RASGRF2: variants seen among roughly 807,000 people sequenced by gnomAD.
RASGRF2 encodes the protein Ras protein specific guanine nucleotide releasing factor 2.
RASGRF2 carries 76 observed loss-of-function variants against 151.0 expected under a neutral mutation model. That is an observed-to-expected ratio of 0.50 (90% CI 0.42 to 0.61). RASGRF2 has a LOEUF of 0.61. Ranked by LOEUF, RASGRF2 falls within the 20% of genes least tolerant of loss-of-function variation. RASGRF2 has a pLI of 0.00. For missense variants in RASGRF2, 1,148 were observed against 1,564.6 expected, an observed-to-expected ratio of 0.73 and a Z score of 4.49; for synonymous variants, 504 against 566.5, an observed-to-expected ratio of 0.89 and a Z score of 1.57.
At chr5:81,169,821 C>T (rs912733705) in intron 17 of RASGRF2, among the ~76,000 whole-genome samples, 69 of 151,538 alleles carry the variant, frequency 4.6e-4, no homozygotes, top group Middle Eastern at 3.4e-3. Flanking sequence ...CCTGCACCAC[C>T]TGCATCACCT....
chr5:81,032,377 C>T (rs186512519), intron 1 of RASGRF2, among the ~76,000 whole-genome samples: 1 of 152,306 alleles, frequency 6.6e-6, no homozygotes, highest in African/African-American at 2.4e-5. Context: ...CCCTGATGAA[C>T]ATCGATGTAA....
intron 18 of RASGRF2, among the ~76,000 whole-genome samples, chr5:81,195,753 G>C (rs142434239): frequency 1.3e-5 from 2 of 152,122 alleles, no homozygotes; most frequent in African/African-American, 4.8e-5. Flanking sequence ...AGTGAGCCCT[G>C]TGCACATGAC....
At chr5:81,133,338 G>A (rs964143525) in intron 17 of RASGRF2, among the ~76,000 whole-genome samples, 2 of 152,166 alleles carry the variant, frequency 1.3e-5, no homozygotes, top group East Asian at 1.9e-4. Flanking sequence ...GATGGTTGAT[G>A]GTGTTCTTGT....
intron 1 of RASGRF2, among the ~76,000 whole-genome samples, chr5:80,977,439 G>A (rs992054867): frequency 7.7e-6 from 1 of 130,634 alleles, no homozygotes; most frequent in Non-Finnish European, 1.7e-5. Flanking sequence ...ACTATAAAAT[G>A]CTACCAAAAT....
chr5:80,995,687 C>CCCCCT lies in RASGRF2; in HGVS notation c.288+34665_288+34666insTCCCC, dbSNP rs1424845862. 5.7e-5 allele frequency among the ~76,000 whole-genome samples: 7 copies of CCCCCT among 123,786 alleles called. No homozygotes were observed. The East Asian group carries it at 1.8e-3, about 32-fold the overall frequency. The allele number at this position is 123,786 out of a possible 152,430, so 81.2% of individuals were successfully genotyped here. A position where few individuals can be genotyped will look rare whatever the true frequency, so the allele number is the denominator to read the frequency against. On this transcript the variant is annotated intron_variant, in intron 1 of 26. Transcript: ENST00000265080. ...ATCATTGTTTCTTTCCTTTCCTTCC[C>CCCCCT]CCCCCCTTTTTTTTTTTTTTTTTGA...
intron 17 of RASGRF2, among the ~76,000 whole-genome samples, chr5:81,152,636 G>A (rs920106511): frequency 2.0e-5 from 3 of 152,114 alleles, no homozygotes; most frequent in African/African-American, 7.2e-5. Flanking sequence ...GTAGAGTGAG[G>A]AGCTCAGCAA....
At chr5:81,023,573 T>G (rs574526) in intron 1 of RASGRF2, among the ~76,000 whole-genome samples, 38,814 of 152,142 alleles carry the variant, frequency 0.26, 5,992 homozygotes, top group Middle Eastern at 0.53. Flanking sequence ...TTTGATTTTT[T>G]TGTGATTTAG....
chr5:81,164,602 C>A (rs569082761), intron 17 of RASGRF2, among the ~76,000 whole-genome samples: 37 of 152,242 alleles, frequency 2.4e-4, no homozygotes, highest in Middle Eastern at 3.4e-3. Context: ...ACTGTTAAAT[C>A]ATTTCTTGGG....
chr5:80,996,398 C>G (rs753402614), intron 1 of RASGRF2, among the ~76,000 whole-genome samples: 1 of 151,744 alleles, frequency 6.6e-6, no homozygotes, highest in African/African-American at 2.4e-5. Context: ...AAATAGACCT[C>G]TGATATTAAT....
At chr5:81,037,957 T>G (rs1290451206) in intron 1 of RASGRF2, among the ~76,000 whole-genome samples, 1 of 152,224 alleles carries the variant, frequency 6.6e-6, no homozygotes, top group Admixed American at 6.5e-5. Context: ...ATGCATAGTT[T>G]TAAGCCTTAT....
At chr5:81,174,206 T>G (rs1350648232) in intron 17 of RASGRF2, among the ~76,000 whole-genome samples, 1 of 152,156 alleles carries the variant, frequency 6.6e-6, no homozygotes, top group African/African-American at 2.4e-5. Flanking sequence ...TCCCATGAAG[T>G]CAATGGGAAA....
intron 1 of RASGRF2, among the ~76,000 whole-genome samples, chr5:80,979,997 C>T (rs1477508391): frequency 2.6e-5 from 4 of 152,182 alleles, no homozygotes; most frequent in Non-Finnish European, 5.9e-5. Flanking sequence ...TATACAGCTA[C>T]AGCATTACCT....
At chr5:81,032,815 A>G (rs1202644376) in intron 1 of RASGRF2, among the ~76,000 whole-genome samples, 6 of 151,988 alleles carry the variant, frequency 3.9e-5, no homozygotes, top group African/African-American at 9.7e-5. Context: ...GGCAGGAGAA[A>G]GAAATAAAGG....
chr5:81,025,874 G>A (rs1466198507), intron 1 of RASGRF2, among the ~76,000 whole-genome samples: 1 of 151,928 alleles, frequency 6.6e-6, no homozygotes, highest in Non-Finnish European at 1.5e-5. Flanking sequence ...CCCCCACCAA[G>A]CTAGTTTACC....
chr5:81,149,500 G>C (rs1304267396), intron 17 of RASGRF2, among the ~76,000 whole-genome samples: 2 of 151,970 alleles, frequency 1.3e-5, no homozygotes, highest in Non-Finnish European at 2.9e-5. Flanking sequence ...GGGAGGAGGG[G>C]TAAAAGGCTA....
chr5:81,068,400 T>C (rs1486651519), intron 3 of RASGRF2, among the ~76,000 whole-genome samples: 3 of 152,192 alleles, frequency 2.0e-5, no homozygotes, highest in Non-Finnish European at 2.9e-5. Context: ...CTTTTTTTTT[T>C]TTTTTTGGTG....
At chr5:81,148,819 TATA>T (rs944684575) in intron 17 of RASGRF2, among the ~76,000 whole-genome samples, 4 of 150,408 alleles carry the variant, frequency 2.7e-5, no homozygotes, top group Non-Finnish European at 4.5e-5. Flanking sequence ...AACTTAAAAG[TATA>T]ATAATAATAA....
intron 1 of RASGRF2, among the ~76,000 whole-genome samples, chr5:80,989,433 T>A (rs1748579731): frequency 6.6e-6 from 1 of 152,240 alleles, no homozygotes; most frequent in Non-Finnish European, 1.5e-5. Context: ...ATGGAAATGT[T>A]ACTGATGATT....
At chr5:81,097,284 G>C (rs1396072228) in intron 12 of RASGRF2, among the ~76,000 whole-genome samples, 1 of 152,052 alleles carries the variant, frequency 6.6e-6, no homozygotes, top group Non-Finnish European at 1.5e-5. Context: ...TAGTGATGGG[G>C]ATACCATCAC....
Sources: gnomAD v4.1 joint callset for allele counts (sites outside exome capture counted in the v4.1 genomes callset) on GRCh38, gnomAD v4.1.1 for gene constraint, MANE v1.5 for transcripts, NCBI Gene and HGNC (gene_info 2026-07-23, HGNC 2026-07-21) for gene names.